Variants in IL15 observed in about 807,000 individuals in gnomAD.
IL15 encodes interleukin 15.
Under a neutral mutation model 19.6 loss-of-function variants are expected in IL15, and 11 were observed. The ratio of observed to expected loss-of-function variants is 0.56; its 90% CI spans 0.35 to 0.93. The LOEUF (loss-of-function observed/expected upper bound fraction) is 0.93. Among genes scored for constraint, IL15 ranks in the 40% least tolerant of loss-of-function variants. The pLI is 0.01. For missense variants in IL15, 197 were observed against 186.5 expected (o/e 1.06, Z -0.33); for synonymous variants, 58 against 59.6 (o/e 0.97, Z 0.12).
At chr4:141,653,735 G>T (rs990046042) in intron 1 of IL15, among the ~76,000 whole-genome samples, 4 of 152,052 alleles carry the variant, frequency 2.6e-5, no homozygotes, top group African/African-American at 7.2e-5. Context: ...GGACATTTAG[G>T]TTTTTTCCAT....
chr4:141,692,305 A>G (rs1728940127), intron 2 of IL15, among the ~76,000 whole-genome samples: 1 of 152,230 alleles, frequency 6.6e-6, no homozygotes. Context: ...GCTGCCTTGA[A>G]GATCTCTGAA....
chr4:141,705,925 G>A (rs904851777), intron 2 of IL15, among the ~76,000 whole-genome samples: 8 of 151,700 alleles, frequency 5.3e-5, no homozygotes, highest in Admixed American at 1.3e-4. Context: ...TGTTTGCATG[G>A]AATATCTTCT....
At chr4:141,679,532 G>A (rs962065320) in intron 2 of IL15, among the ~76,000 whole-genome samples, 6 of 152,064 alleles carry the variant, frequency 3.9e-5, no homozygotes, top group Non-Finnish European at 5.9e-5. Flanking sequence ...TCTCAAAGGT[G>A]TTCCTTTTAT....
intron 1 of IL15, among the ~76,000 whole-genome samples, chr4:141,651,672 T>G (rs1727410875): frequency 1.3e-5 from 2 of 152,124 alleles, no homozygotes; most frequent in African/African-American, 4.8e-5. Context: ...GAGATAATTT[T>G]CTATATTGTA....
At chr4:141,656,334 A>T (rs1336874613) in intron 2 of IL15, 27 bp downstream of exon 2, 1 of 397,952 alleles carries the variant, frequency 2.5e-6, no homozygotes, top group African/African-American at 2.1e-5. Flanking sequence ...AAGTTTTATC[A>T]TGCAATACAG....
At chr4:141,706,510 G>C (rs1729521030) in intron 2 of IL15, among the ~76,000 whole-genome samples, 1 of 152,002 alleles carries the variant, frequency 6.6e-6, no homozygotes, top group African/African-American at 2.4e-5. Context: ...ACCTATACTG[G>C]TGAGCTTTAT....
chr4:141,672,894 C>G (rs1728221210), intron 2 of IL15, among the ~76,000 whole-genome samples: 1 of 152,102 alleles, frequency 6.6e-6, no homozygotes, highest in South Asian at 2.1e-4. Flanking sequence ...TGAGTGTCTC[C>G]CTACCTGTAA....
intron 2 of IL15, among the ~76,000 whole-genome samples, chr4:141,707,128 C>T (rs533197459): frequency 1.3e-5 from 2 of 152,226 alleles, no homozygotes; most frequent in South Asian, 4.1e-4. Context: ...TTTCCTCTGA[C>T]TGGGTTATTT....
At chr4:141,698,178 G>A (rs1729163743) in intron 2 of IL15, among the ~76,000 whole-genome samples, 1 of 152,070 alleles carries the variant, frequency 6.6e-6, no homozygotes, top group Non-Finnish European at 1.5e-5. Flanking sequence ...TGCAACTCTG[G>A]TATGAAATTC....
intron 2 of IL15, chr4:141,689,071 G>A (rs1008672009): frequency 6.4e-6 from 1 of 155,504 alleles, no homozygotes; most frequent in Non-Finnish European, 1.4e-5. Flanking sequence ...CGCATCTGGA[G>A]TTGTTCGTTC....
At chr4:141,669,865 G>A (rs949681280) in intron 2 of IL15, among the ~76,000 whole-genome samples, 1 of 151,448 alleles carries the variant, frequency 6.6e-6, no homozygotes, top group Non-Finnish European at 1.5e-5. Context: ...CTTGGCTCAT[G>A]ACAGAGCCTT....
intron 2 of IL15, among the ~76,000 whole-genome samples, chr4:141,680,517 AG>A (rs1344261437): frequency 6.6e-6 from 1 of 151,850 alleles, no homozygotes; most frequent in Non-Finnish European, 1.5e-5. Flanking sequence ...TTGGCTATAA[AG>A]TAAAGTTCCA....
intron 2 of IL15, among the ~76,000 whole-genome samples, chr4:141,658,577 G>A (rs1727683227): frequency 6.6e-6 from 1 of 151,724 alleles, no homozygotes; most frequent in Admixed American, 6.6e-5. Context: ...TTCACTTTCA[G>A]TTATAATTTC....
intron 4 of IL15, chr4:141,721,104 TATA>T: frequency 6.6e-7 from 1 of 1,512,430 alleles, no homozygotes; most frequent in South Asian, 1.2e-5. Flanking sequence ...AACCTATAGT[TATA>T]TAATCTGACT....
At position 141,727,098 on chromosome 4, in the gene IL15, G is replaced by A. The variant is rs1730291261; in HGVS notation, c.196-842G>A. Among the ~76,000 whole-genome samples the A allele has an allele frequency of 3.3e-5, 5 of 152,096 alleles. 1 individual carries two copies. The South Asian group carries it at 1.0e-3, about 32-fold the overall frequency. ...AGGCAGAGCACAGGCTACTTTTAAA[G>A]CAGTGAAAATATTAATATATGATGA... On this transcript the variant is annotated intron_variant, in intron 5 of 7. Transcript: ENST00000320650.
In IL15 at chr4:141,733,554, A is replaced by C. The variant is rs1465247058; in HGVS notation, c.*706A>C. 6.6e-6 allele frequency: 1 copy of C among 152,256 alleles called. No homozygotes were observed. Among genetic ancestry groups the C allele is most frequent in the Non-Finnish European group, 1.5e-5 (1 of 68,058 alleles). 9.4% of individuals were successfully genotyped at this position (152,256 alleles called of 1,614,324 possible). A position where few individuals can be genotyped will look rare whatever the true frequency, so the allele number is the denominator to read the frequency against. ...GCAAGCTTGTCCAATCACGGATTGC[A>C]GGCCACATGCGGCCCAGGACAACTT... On this transcript the variant is annotated 3_prime_UTR_variant, in exon 8 of 8. Coordinates refer to ENST00000320650, the MANE Select transcript of IL15 (RefSeq NM_000585.5).
At chr4:141,670,995 T>A (rs1728156006) in intron 2 of IL15, among the ~76,000 whole-genome samples, 1 of 152,180 alleles carries the variant, frequency 6.6e-6, no homozygotes, top group Non-Finnish European at 1.5e-5. Flanking sequence ...ATATCACAGT[T>A]GTCTTAAATA....
chr4:141,662,658 T>A (rs928010240), intron 2 of IL15, among the ~76,000 whole-genome samples: 1 of 152,224 alleles, frequency 6.6e-6, no homozygotes, highest in African/African-American at 2.4e-5. Flanking sequence ...AGTATTTAGT[T>A]CATTTTTATT....
intron 2 of IL15, among the ~76,000 whole-genome samples, chr4:141,694,269 G>A (rs1296007517): frequency 6.6e-6 from 1 of 152,210 alleles, no homozygotes; most frequent in Non-Finnish European, 1.5e-5. Context: ...GAGAAGCAGA[G>A]CGATAGTCAC....
Sources: gnomAD v4.1 joint callset for allele counts (sites outside exome capture counted in the v4.1 genomes callset) on GRCh38, gnomAD v4.1.1 for gene constraint, MANE v1.5 for transcripts, NCBI Gene and HGNC (gene_info 2026-07-23, HGNC 2026-07-21) for gene names.